Variants in EXT1 observed in about 807,000 individuals in gnomAD.
EXT1 encodes exostosin-1.
A neutral mutation model predicts 82.5 loss-of-function variants in EXT1; 20 were observed. The ratio of observed to expected loss-of-function variants is 0.24; its 90% CI spans 0.17 to 0.35. The LOEUF is 0.35. Ranked by LOEUF, EXT1 falls within the 10% of genes least tolerant of loss-of-function variation. The probability of loss-of-function intolerance (pLI) is 1.00; values close to 1 mark genes in which losing one functional copy is unlikely to be tolerated. For synonymous variants in EXT1, 348 were observed against 350.8 expected (o/e 0.99, Z 0.09); for missense variants, 757 against 936.5 (o/e 0.81, Z 2.50).
chr8:118,014,853 C>T (rs1815973208), intron 1 of EXT1, among the ~76,000 whole-genome samples: 1 of 152,076 alleles, frequency 6.6e-6, no homozygotes, highest in Non-Finnish European at 1.5e-5. Flanking sequence ...ACTCACCTTC[C>T]CCAAAGTTAA....
rs115078656 is a variant in EXT1 at position 118,087,275 on chromosome 8, C to A, written c.962+22810G>T. Among the ~76,000 whole-genome samples the A allele has an allele frequency of 4.8e-3, 733 of 152,256 alleles. 9 individuals carry two copies. Among genetic ancestry groups the A allele is most frequent in the African/African-American group, 0.017 (709 of 41,540 alleles). ...CCTCTATTCCTAGAAAGGAGCCCAA[C>A]CCTGAAATTGAATCCAATGCTACAA... On this transcript the variant is annotated intron_variant, in intron 1 of 10. Coordinates refer to ENST00000378204, the MANE Select transcript of EXT1 (RefSeq NM_000127.3).
At chr8:117,816,381 G>T (rs1031765656) in intron 7 of EXT1, among the ~76,000 whole-genome samples, 1 of 152,166 alleles carries the variant, frequency 6.6e-6, no homozygotes, top group Non-Finnish European at 1.5e-5. Context: ...ATATGGAATG[G>T]TCTTATTTAA....
At chr8:117,902,780 C>T (rs942593809) in intron 1 of EXT1, among the ~76,000 whole-genome samples, 3 of 152,136 alleles carry the variant, frequency 2.0e-5, no homozygotes, top group Non-Finnish European at 4.4e-5. Context: ...TCTATGCCTG[C>T]CAAGGAAAAA....
chr8:117,983,054 G>C (rs1460447554), intron 1 of EXT1, among the ~76,000 whole-genome samples: 2 of 152,216 alleles, frequency 1.3e-5, no homozygotes, highest in South Asian at 2.1e-4. Context: ...TTCATTTCAT[G>C]GTTTCTCTCT....
intron 1 of EXT1, among the ~76,000 whole-genome samples, chr8:118,039,417 G>A (rs1001513532): frequency 1.3e-5 from 2 of 151,792 alleles, no homozygotes; most frequent in Non-Finnish European, 2.9e-5. Flanking sequence ...AAAATTGGCT[G>A]GGCCTAAGGG....
Position 117,865,452 on chromosome 8 carries a change from A to G in EXT1, c.963-28251T>C, listed in dbSNP as rs149366923. ...GGTCATCTTCCATTCAGTGGTATCT[A>G]GACTTTGTGATTATAGAGCGAGAAA... On this transcript the variant is annotated intron_variant, in intron 1 of 10. Transcript: ENST00000378204. Among the ~76,000 whole-genome samples the G allele has an allele frequency of 1.1e-4, 16 of 152,314 alleles. No individual in the cohort carries two copies. In the East Asian group the frequency reaches 3.1e-3, roughly 29 times the overall value.
intron 10 of EXT1, among the ~76,000 whole-genome samples, chr8:117,803,720 T>C (rs1260693874): frequency 6.6e-6 from 1 of 152,192 alleles, no homozygotes; most frequent in Non-Finnish European, 1.5e-5. Context: ...TTCTTACTTA[T>C]AAAAAGAAAA....
At chr8:117,810,774 C>T (rs1445737703) in intron 8 of EXT1, among the ~76,000 whole-genome samples, 1 of 152,144 alleles carries the variant, frequency 6.6e-6, no homozygotes. Flanking sequence ...GCCCTGTGCC[C>T]TCAGATAATG....
chr8:118,076,819 A>T (rs1382573456), intron 1 of EXT1, among the ~76,000 whole-genome samples: 2 of 152,246 alleles, frequency 1.3e-5, no homozygotes, highest in Non-Finnish European at 2.9e-5. Flanking sequence ...AAAATTATAC[A>T]GTAATTTTTC....
rs914852311 is a variant in EXT1, at chr8:117,825,634, T to C, written c.1285-3037A>G. Among the ~76,000 whole-genome samples, 7 of 152,194 alleles carry C rather than the reference T, an allele frequency of 4.6e-5. No homozygotes were observed. The South Asian group carries it at 6.2e-4, about 14-fold the overall frequency. On this transcript the variant is annotated intron_variant, in intron 4 of 10. Transcript: ENST00000378204. Reference sequence around the variant, plus strand: ...CCTCTGTTTTCCAAATAATGGACAATTGGTTATAGGTTAAAGTCATTCTAT... The same window carrying C: ...CCTCTGTTTTCCAAATAATGGACAACTGGTTATAGGTTAAAGTCATTCTAT...
chr8:117,912,783 C>A (rs1813674693), intron 1 of EXT1, among the ~76,000 whole-genome samples: 1 of 152,188 alleles, frequency 6.6e-6, no homozygotes. Context: ...AGAAAAATTT[C>A]TTCCCACAAT....
intron 1 of EXT1, among the ~76,000 whole-genome samples, chr8:117,930,103 CAA>C (rs576886235): frequency 2.9e-5 from 4 of 138,052 alleles, no homozygotes; most frequent in African/African-American, 7.8e-5. Context: ...GACTCCATCT[CAA>C]AAAAAAAAAA....
intron 1 of EXT1, among the ~76,000 whole-genome samples, chr8:117,855,692 G>A (rs1051473300): frequency 1.3e-5 from 2 of 152,134 alleles, no homozygotes; most frequent in Admixed American, 6.5e-5. Context: ...ATTTAGAGAC[G>A]GAGTCTCACA....
At chr8:117,830,391 CAA>C (rs769432023) in intron 3 of EXT1, 42 bp from the exon 4 acceptor site, 2 of 1,607,980 alleles carry the variant, frequency 1.2e-6, no homozygotes, top group African/African-American at 2.7e-5. Flanking sequence ...AACTGTAAAA[CAA>C]AGAGATGCAC....
intron 1 of EXT1, among the ~76,000 whole-genome samples, chr8:118,079,446 C>G (rs1817269967): frequency 1.3e-5 from 2 of 152,176 alleles, no homozygotes; most frequent in Admixed American, 1.3e-4. Context: ...AACAGTATGA[C>G]AGGCCTAAAA....
chr8:117,994,211 G>C (rs570729535), intron 1 of EXT1, among the ~76,000 whole-genome samples: 1 of 152,140 alleles, frequency 6.6e-6, no homozygotes, highest in Non-Finnish European at 1.5e-5. Flanking sequence ...CGTACATTTA[G>C]AATACGTCAT....
rs148852351 is a variant in EXT1, at chr8:117,824,465, C to T, written c.1285-1868G>A. On this transcript the variant is annotated intron_variant, in intron 4 of 10. Transcript: ENST00000378204. ...CATAGGACAGGTACGAAAGCAGTAG[C>T]AAATGTTGAATTTAACGTGGGTCAA... is the stretch of plus-strand genomic sequence containing the variant. Among the ~76,000 whole-genome samples the T allele has an allele frequency of 4.8e-3, 735 of 152,302 alleles. 4 individuals carry two copies. The highest frequency in any genetic ancestry group is 5.9e-3 in the Non-Finnish European group (400 of 68,026).
intron 1 of EXT1, among the ~76,000 whole-genome samples, chr8:118,082,785 T>C (rs1445851027): frequency 6.6e-6 from 1 of 152,214 alleles, no homozygotes; most frequent in African/African-American, 2.4e-5. Context: ...TTCTCACACG[T>C]CTTTCCTACC....
intron 1 of EXT1, among the ~76,000 whole-genome samples, chr8:118,056,749 T>C (rs1281808930): frequency 6.6e-6 from 1 of 152,088 alleles, no homozygotes; most frequent in Non-Finnish European, 1.5e-5. Context: ...ATACACATTA[T>C]CAGAAGAACG....
Sources: allele counts gnomAD v4.1 joint callset (sites outside exome capture counted in the v4.1 genomes callset), GRCh38; gene constraint gnomAD v4.1.1; transcripts MANE v1.5; gene names NCBI Gene and HGNC (gene_info 2026-07-23, HGNC 2026-07-21).